Variants in MCM3 observed in about 807,000 individuals in gnomAD.
The protein encoded by MCM3 is DNA replication licensing factor MCM3.
MCM3 carries 59 observed loss-of-function variants against 91.3 expected under a neutral mutation model. That is an observed-to-expected ratio of 0.65 (90% CI 0.52 to 0.80). MCM3 has a LOEUF of 0.80. Among genes scored for constraint, MCM3 ranks in the 30% least tolerant of loss-of-function variants. The pLI, the probability that MCM3 is intolerant of heterozygous loss-of-function variation, is 0.00. For missense variants in MCM3, 919 were observed against 1,035.4 expected, an observed-to-expected ratio of 0.89 and a Z score of 1.54; for synonymous variants, 383 against 379.6, an observed-to-expected ratio of 1.01 and a Z score of -0.10.
At chr6:52,271,478 A>G (rs1203906203) in intron 12 of MCM3, among the ~76,000 whole-genome samples, 2 of 152,176 alleles carry the variant, frequency 1.3e-5, no homozygotes, top group Non-Finnish European at 2.9e-5. Flanking sequence ...CCTGGTCTCT[A>G]TTAAAAACAC....
At chr6:52,277,865 G>A (rs1034629358) in intron 6 of MCM3, among the ~76,000 whole-genome samples, 177 bp from the exon 7 acceptor site, 1 of 151,746 alleles carries the variant, frequency 6.6e-6, no homozygotes, top group African/African-American at 2.4e-5. Flanking sequence ...TCAGGAGTTC[G>A]AGACCAGCCT....
At position 52,264,694 on chromosome 6, in the gene MCM3, C is replaced by T. The variant is rs199599059; in HGVS notation, c.2321G>A (p.Arg774Gln). 1.4e-5 allele frequency: 22 copies of T among 1,614,142 alleles called. No individual in the cohort carries two copies. In the East Asian group the frequency reaches 2.9e-4, roughly 21 times the overall value. ...TGAAGAGAAGGGCTCTTCGCTGTCC[C>T]GGTTGATGGATTCTGTGAGGCGATT... Reference protein sequence around the residue: ...GMNRLTESINRDSEEPFSSVE... With the variant: ...GMNRLTESINQDSEEPFSSVE... The change falls in exon 17 of 17, where the codon CGG (arginine) becomes CAG (glutamine). Residue 774 changes from arginine (R) to glutamine (Q), a missense_variant. Arg to Gln is a conservative substitution (Grantham distance 43). Transcript: ENST00000596288.
rs1299655248 is a variant in MCM3 at position 52,266,614 on chromosome 6, G to A, written c.2155C>T (p.Gln719Ter). ...ATCAGTAAGTGGGCTCACTCACCTT[G>A]AGGCATTTCCTCCTCTGTGTCACTG... Reference protein sequence around the residue: ...DFSDTEEEMPQVHTPKTADSQ... With the variant: ...DFSDTEEEMP Residue 719 changes from glutamine (Q) to a stop codon, truncating the protein, a stop_gained, in exon 15 of 17, where the codon CAA (glutamine) becomes TAA (stop). Coordinates refer to ENST00000596288, the MANE Select transcript of MCM3 (RefSeq NM_002388.6). LOFTEE classifies it high-confidence loss of function. The A allele has an allele frequency of 6.2e-7, 1 of 1,613,782 alleles. No individual in the cohort carries two copies. The highest frequency in any genetic ancestry group is 8.5e-7 in the Non-Finnish European group (1 of 1,179,800).
chr6:52,269,330 G>A (rs1325967923), intron 12 of MCM3, 104 bp from the exon 13 acceptor site: 7 of 1,150,036 alleles, frequency 6.1e-6, no homozygotes, highest in Non-Finnish European at 8.6e-6. Context: ...GCCCCAGGAG[G>A]CCCAAGCAAA....
At chr6:52,278,385 A>T (rs2128281992) in intron 6 of MCM3, among the ~76,000 whole-genome samples, 1 of 152,382 alleles carries the variant, frequency 6.6e-6, no homozygotes, top group South Asian at 2.1e-4. Flanking sequence ...TTAAAAAGAT[A>T]AAAACAAGTT....
rs752149151 is a variant in MCM3 at position 52,282,163 on chromosome 6, C to T, written c.413G>A (p.Arg138His). The change falls in exon 4 of 17, where the codon CGT (arginine) becomes CAT (histidine). Residue 138 changes from arginine to histidine, a missense_variant. Transcript: ENST00000596288. ...GTGGACACTGCGGACGACTTTGGGA[C>T]GAACTAGAGAACCTAGGGATGGAAA... ...EGIVTKCSLV[R>H]PKVVRSVHYC... The T allele has an allele frequency of 1.9e-5, 31 of 1,613,860 alleles. No homozygotes were observed. Among genetic ancestry groups the T allele is most frequent in the Non-Finnish European group, 2.6e-5 (31 of 1,179,972 alleles).
chr6:52,267,766 C>A, intron 14 of MCM3, 99 bp downstream of exon 14: 1 of 701,198 alleles, frequency 1.4e-6, no homozygotes, highest in Non-Finnish European at 2.7e-6. Context: ...ACTCAAGTGA[C>A]CCACCCGCCT....
chr6:52,278,700 GA>G, intron 6 of MCM3, 41 bp downstream of exon 6: 6 of 1,399,890 alleles, frequency 4.3e-6, no homozygotes, highest in Non-Finnish European at 6.0e-6. Context: ...ACAACTCTTA[GA>G]AATCCATTCC....
chr6:52,282,557 T>C (rs1458444676), intron 3 of MCM3, 96 bp downstream of exon 3: 8 of 1,169,582 alleles, frequency 6.8e-6, no homozygotes, highest in African/African-American at 4.6e-5. Context: ...CTCCACCTCT[T>C]TGAAGCCACA....
chr6:52,282,511 A>C (rs7774976), intron 3 of MCM3, 142 bp downstream of exon 3: 101,115 of 693,420 alleles, frequency 0.15, 9,781 homozygotes, highest in East Asian at 0.41. Flanking sequence ...CATTGTACAC[A>C]CTGAGCCCTC....
rs1325681028 is a variant in MCM3 at position 52,284,629 on chromosome 6, G to C, written c.46C>G (p.Gln16Glu). Reference sequence around the variant, plus strand: ...TCCAGGAAGTCCAGGTAATCTCTCTGAGCCTCCCGCAGCTCCACATCGTCC... The same window carrying C: ...TCCAGGAAGTCCAGGTAATCTCTCTCAGCCTCCCGCAGCTCCACATCGTCC... ...VLDDVELREA[Q>E]RDYLDFLDDE... is the part of the protein sequence containing the mutation. The change falls in exon 1 of 17, where the codon CAG becomes GAG. Residue 16 changes from glutamine to glutamate, a missense_variant. Transcript: ENST00000596288. 6.2e-7 allele frequency: 1 copy of C among 1,608,108 alleles called. No individual in the cohort carries two copies. Among genetic ancestry groups the C allele is most frequent in the Non-Finnish European group, 8.5e-7 (1 of 1,178,198 alleles).
chr6:52,281,543 G>T (rs773559836), intron 4 of MCM3, among the ~76,000 whole-genome samples: 5 of 152,032 alleles, frequency 3.3e-5, no homozygotes, highest in Non-Finnish European at 7.4e-5. Context: ...TAGCGGACCT[G>T]GTGGTGCATG....
intron 14 of MCM3, among the ~76,000 whole-genome samples, chr6:52,267,172 C>A (rs959558625): frequency 2.1e-5 from 3 of 141,844 alleles, no homozygotes; most frequent in Non-Finnish European, 4.5e-5. Flanking sequence ...GATCTCCACT[C>A]ACTGCAAGCT....
intron 15 of MCM3, among the ~76,000 whole-genome samples, chr6:52,266,349 A>T (rs1378693268): frequency 3.9e-5 from 6 of 152,222 alleles, no homozygotes; most frequent in Admixed American, 3.9e-4. Flanking sequence ...GTCAGGCAGG[A>T]GACCCTCAAT....
chr6:52,282,079 A>G lies in MCM3; in HGVS notation c.497T>C (p.Val166Ala). 1 of 1,614,172 alleles carries G rather than the reference A, an allele frequency of 6.2e-7. No homozygotes were observed. Among genetic ancestry groups the G allele is most frequent in the South Asian group, 1.1e-5 (1 of 91,086 alleles). Residue 166 changes from valine to alanine, a missense_variant, in exon 4 of 17, where the codon GTG (valine) becomes GCG (alanine). This residue lies in a region of MCM3 where 401 missense variants were observed against 402.7 expected (regional missense o/e 1.00). Coordinates refer to ENST00000596288, the MANE Select transcript of MCM3 (RefSeq NM_002388.6). ...ATAGACAGAGCTGGAGGGAAAGGCC[A>G]CCAGGGTGGTGAGATCAGAATAACG... ...ERRYSDLTTLVAFPSSSVYPT... is the reference protein window; with the variant it reads ...ERRYSDLTTLAAFPSSSVYPT...
intron 10 of MCM3, 73 bp from the exon 11 acceptor site, chr6:52,273,429 AC>A: frequency 6.8e-7 from 1 of 1,478,938 alleles, no homozygotes; most frequent in South Asian, 1.2e-5. Context: ...CTTCTATAGC[AC>A]AAGAAGGGGA....
rs1244957397 is a variant in MCM3 at position 52,267,924 on chromosome 6, T to C, written c.2013A>G (p.Glu671=). The change falls in exon 14 of 17, where the codon GAA becomes GAG. Residue 671 remains glutamate, a synonymous_variant. Transcript: ENST00000596288. ...TCTCCTCTTCATCTTCTGTCTCTGA[T>C]TCATCCTCACTTCGCTTCTTACGTT... The part of the protein sequence containing the change: ...EKKRKKRSED[E]SETEDEEEKS... 5 of 1,546,442 alleles carry C rather than the reference T, an allele frequency of 3.2e-6. No homozygotes were observed. The highest frequency in any genetic ancestry group is 1.1e-5 in the South Asian group (1 of 89,528).
intron 13 of MCM3, 125 bp downstream of exon 13, chr6:52,268,961 T>TG: frequency 9.7e-7 from 1 of 1,034,310 alleles, no homozygotes; most frequent in East Asian, 2.5e-5. Context: ...GACTGATGAC[T>TG]GGAAGACAAA....
rs748281765 is a variant in MCM3, at chr6:52,273,241, G to C, written c.1665C>G (p.Thr555=). ...YEKHDNLLHG[T]KKKKEKMVSA... ...ATGAGAATGCTCACTTTTTCTTCTT[G>C]GTCCCATGTAGAAGGTTGTCATGCT... The change falls in exon 11 of 17, where the codon ACC becomes ACG. Residue 555 remains threonine, a synonymous_variant. Coordinates refer to ENST00000596288, the MANE Select transcript of MCM3 (RefSeq NM_002388.6). 4 of 1,614,026 alleles carry C rather than the reference G, an allele frequency of 2.5e-6. No individual in the cohort carries two copies. The South Asian group carries it at 4.4e-5, about 18-fold the overall frequency.
Sources: allele counts gnomAD v4.1 joint callset (sites outside exome capture counted in the v4.1 genomes callset), GRCh38; gene constraint gnomAD v4.1.1; regional missense constraint gnomAD v4.1.1; transcripts MANE v1.5; gene names NCBI Gene and HGNC (gene_info 2026-07-23, HGNC 2026-07-21).